ASCC3: variants seen among roughly 807,000 people sequenced by gnomAD.
ASCC3 encodes the protein ASC-1 complex subunit P200.
A neutral mutation model predicts 256.3 loss-of-function variants in ASCC3; 158 were observed. That is an observed-to-expected ratio of 0.62 (90% confidence interval 0.54 to 0.70). The LOEUF is 0.70. Among genes scored for constraint, ASCC3 ranks in the 30% least tolerant of loss-of-function variants. The pLI is 0.00. For synonymous variants in ASCC3, 948 were observed against 883.4 expected (o/e 1.07, Z -1.30); for missense variants, 2,259 against 2,626.0 (o/e 0.86, Z 3.05).
At chr6:100,698,541 CA>C (rs912066797) in intron 13 of ASCC3, among the ~76,000 whole-genome samples, 1 of 151,560 alleles carries the variant, frequency 6.6e-6, no homozygotes, top group Non-Finnish European at 1.5e-5. Context: ...TAACTGGTGA[CA>C]AAAATGATAA....
At chr6:100,782,326 ATTTTG>A (rs1782490606) in intron 8 of ASCC3, among the ~76,000 whole-genome samples, 1 of 152,192 alleles carries the variant, frequency 6.6e-6, no homozygotes, top group Admixed American at 6.5e-5. Context: ...TTTCATGAAA[ATTTTG>A]TTTTAATTGT....
At chr6:100,799,661 G>T (rs1445666347) in intron 6 of ASCC3, 89 bp from the exon 7 acceptor site, 1 of 1,347,984 alleles carries the variant, frequency 7.4e-7, no homozygotes, top group East Asian at 2.4e-5. Context: ...AAGATATTGG[G>T]AGCTAGCCTT....
At chr6:100,687,390 T>C (rs1777629269) in intron 13 of ASCC3, among the ~76,000 whole-genome samples, 1 of 152,134 alleles carries the variant, frequency 6.6e-6, no homozygotes, top group Non-Finnish European at 1.5e-5. Context: ...TGAGACAGTG[T>C]CTCGCTCTGT....
intron 4 of ASCC3, among the ~76,000 whole-genome samples, chr6:100,818,471 G>A (rs1474774256): frequency 6.6e-6 from 1 of 151,140 alleles, no homozygotes; most frequent in Non-Finnish European, 1.5e-5. Flanking sequence ...GGAGGTTGAG[G>A]CAGGAGAACC....
chr6:100,678,830 A>C (rs556237350), intron 14 of ASCC3, among the ~76,000 whole-genome samples: 1 of 152,192 alleles, frequency 6.6e-6, no homozygotes, highest in Non-Finnish European at 1.5e-5. Context: ...AAGTCACACA[A>C]TAAAGAAACT....
chr6:100,696,830 T>C (rs1778106955), intron 13 of ASCC3, among the ~76,000 whole-genome samples: 1 of 152,072 alleles, frequency 6.6e-6, no homozygotes, highest in Admixed American at 6.5e-5. Context: ...TTCACAGAAG[T>C]GAATATTTTA....
intron 8 of ASCC3, among the ~76,000 whole-genome samples, chr6:100,786,738 C>T (rs1769099918): frequency 6.6e-6 from 1 of 152,032 alleles, no homozygotes; most frequent in Non-Finnish European, 1.5e-5. Context: ...AAGTTAGATC[C>T]TACAATCTCA....
At chr6:100,667,237 GA>G (rs1776520976) in intron 14 of ASCC3, among the ~76,000 whole-genome samples, 1 of 152,150 alleles carries the variant, frequency 6.6e-6, no homozygotes, top group South Asian at 2.1e-4. Context: ...TGTGAAACGT[GA>G]GTCTTGAAGG....
intron 10 of ASCC3, among the ~76,000 whole-genome samples, chr6:100,750,422 A>G (rs1481510616): frequency 6.6e-6 from 1 of 152,028 alleles, no homozygotes; most frequent in African/African-American, 2.4e-5. Context: ...CTATCAATAA[A>G]GTTTAATTTT....
Position 100,629,091 on chromosome 6 carries a change from T to C in ASCC3, c.4299A>G (p.Gly1433=). The change falls in exon 27 of 42, where the codon GGA becomes GGG. Residue 1433 remains glycine (G), a synonymous_variant. Transcript: ENST00000369162. Reference sequence around the variant, plus strand: ...TCCTATTTTGCCAGCTTCTGCTGACTCCATCCCACTTCTCTGGCGTAGTGA... The same window carrying C: ...TCCTATTTTGCCAGCTTCTGCTGACCCCATCCCACTTCTCTGGCGTAGTGA... ...LIVTTPEKWD[G]VSRSWQNRNY... is the part of the protein sequence containing the mutation. 6.2e-6 allele frequency: 10 copies of C among 1,613,848 alleles called. No individual in the cohort carries two copies. The highest frequency in any genetic ancestry group is 8.5e-6 in the Non-Finnish European group (10 of 1,179,904).
intron 4 of ASCC3, among the ~76,000 whole-genome samples, chr6:100,817,625 A>T (rs978184898): frequency 6.6e-6 from 1 of 152,036 alleles, no homozygotes; most frequent in South Asian, 2.1e-4. Context: ...AAAAAAGATT[A>T]TACAGGAATG....
intron 10 of ASCC3, among the ~76,000 whole-genome samples, chr6:100,759,074 C>T (rs1308132991): frequency 5.9e-5 from 9 of 152,170 alleles, no homozygotes; most frequent in African/African-American, 2.2e-4. Context: ...CCTTTGCCCA[C>T]TTTTTGATGG....
chr6:100,618,033 G>T (rs1773757041), intron 30 of ASCC3, among the ~76,000 whole-genome samples: 1 of 152,154 alleles, frequency 6.6e-6, no homozygotes. Flanking sequence ...AAACTAACAT[G>T]TCCAAAATAT....
intron 8 of ASCC3, among the ~76,000 whole-genome samples, chr6:100,769,926 A>T (rs1395038259): frequency 1.3e-5 from 2 of 151,970 alleles, no homozygotes; most frequent in African/African-American, 2.4e-5. Flanking sequence ...ATATCTAGTA[A>T]AGAAATTAAG....
chr6:100,568,802 G>C (rs1022233472), intron 36 of ASCC3, among the ~76,000 whole-genome samples: 4 of 148,496 alleles, frequency 2.7e-5, no homozygotes, highest in Non-Finnish European at 5.9e-5. Context: ...TTTTGAGACA[G>C]AGTCTCCCTC....
At chr6:100,849,049 C>G (rs879335664) in intron 3 of ASCC3, among the ~76,000 whole-genome samples, 7 of 151,938 alleles carry the variant, frequency 4.6e-5, no homozygotes, top group Non-Finnish European at 8.8e-5. Context: ...GGGGCTGCAG[C>G]GAGCCATGAT....
At chr6:100,789,533 A>G (rs1037913773) in intron 8 of ASCC3, among the ~76,000 whole-genome samples, 1 of 151,982 alleles carries the variant, frequency 6.6e-6, no homozygotes, top group African/African-American at 2.4e-5. Context: ...AATTATTATC[A>G]AATATCCTAC....
At chr6:100,702,306 G>C (rs1246007332) in intron 13 of ASCC3, among the ~76,000 whole-genome samples, 4 of 152,118 alleles carry the variant, frequency 2.6e-5, no homozygotes, top group Non-Finnish European at 5.9e-5. Flanking sequence ...CTGAGGGAGA[G>C]AGAGTTGACA....
chr6:100,725,734 A>G, intron 10 of ASCC3, 31 bp from the exon 11 acceptor site: 1 of 1,609,914 alleles, frequency 6.2e-7, no homozygotes, highest in Non-Finnish European at 8.5e-7. Flanking sequence ...TAAAAGGGGA[A>G]AGTTACATAG....
Sources: gnomAD v4.1 joint callset for allele counts (sites outside exome capture counted in the v4.1 genomes callset) on GRCh38, gnomAD v4.1.1 for gene constraint, MANE v1.5 for transcripts, NCBI Gene and HGNC (gene_info 2026-07-23, HGNC 2026-07-21) for gene names.